KIAA0586: variants seen among roughly 807,000 people sequenced by gnomAD.
The protein encoded by KIAA0586 is KIAA0586, also known as protein TALPID3.
In KIAA0586, 144 loss-of-function variants were observed where a neutral mutation model predicts 169.8. That is an observed-to-expected ratio of 0.85 (90% CI 0.74 to 0.97). The LOEUF (loss-of-function observed/expected upper bound fraction) is 0.97, where lower values mean the gene tolerates loss of function less well. Ranked by LOEUF, KIAA0586 falls within the 50% of genes least tolerant of loss-of-function variation. The probability of loss-of-function intolerance (pLI) is 0.00; values close to 1 mark genes in which losing one functional copy is unlikely to be tolerated. For missense variants in KIAA0586, 1,854 were observed against 1,823.0 expected, an observed-to-expected ratio of 1.02 and a Z score of -0.31; for synonymous variants, 625 against 612.4, an observed-to-expected ratio of 1.02 and a Z score of -0.30.
In KIAA0586 at chr14:58,547,987, C is replaced by T. The variant is rs775239114; in HGVS notation, c.*55C>T. ...TGCCACTGGTTTTAAAGTCATTTTA[C>T]CTTGGCTTAAAACCCTCTCTCAGAC... On this transcript the variant is annotated 3_prime_UTR_variant, in exon 31 of 31. Coordinates refer to ENST00000652326, the MANE Select transcript of KIAA0586 (RefSeq NM_001329943.3). 5.7e-6 allele frequency: 9 copies of T among 1,592,902 alleles called. No individual in the cohort carries two copies. In the Admixed American group the frequency reaches 1.5e-4, roughly 27 times the overall value.
chr14:58,540,235 A>C (rs1214308190), intron 30 of KIAA0586, 99 bp downstream of exon 30: 2 of 650,422 alleles, frequency 3.1e-6, no homozygotes, highest in Non-Finnish European at 5.2e-6. Context: ...CAGTAGAAAT[A>C]CTAATAGCAA....
At chr14:58,437,154 T>C (rs375444735) in intron 4 of KIAA0586, among the ~76,000 whole-genome samples, 61 of 152,196 alleles carry the variant, frequency 4.0e-4, no homozygotes, top group African/African-American at 1.3e-3. Context: ...GGTATGGTAA[T>C]GGGAATCATG....
At chr14:58,445,528 G>A (rs1174482080) in intron 6 of KIAA0586, among the ~76,000 whole-genome samples, 2 of 150,940 alleles carry the variant, frequency 1.3e-5, no homozygotes, top group Non-Finnish European at 2.9e-5. Context: ...CCACCTCCCA[G>A]ATTCAAGTGA....
chr14:58,459,245 A>G (rs1392762194), intron 12 of KIAA0586, among the ~76,000 whole-genome samples: 7 of 152,090 alleles, frequency 4.6e-5, no homozygotes, highest in Non-Finnish European at 4.4e-5. Flanking sequence ...ATATTTTAAA[A>G]CTTTGTTGTT....
intron 29 of KIAA0586, among the ~76,000 whole-genome samples, chr14:58,537,637 A>G (rs2067317003): frequency 6.6e-6 from 1 of 152,066 alleles, no homozygotes; most frequent in Non-Finnish European, 1.5e-5. Context: ...AAACATTAAC[A>G]TCATAGTAAG....
intron 3 of KIAA0586, 37 bp downstream of exon 3, chr14:58,430,754 A>G: frequency 8.6e-7 from 1 of 1,163,204 alleles, no homozygotes; most frequent in East Asian, 2.4e-5. Context: ...AATTGTGACA[A>G]CATATACATA....
Position 58,494,640 on chromosome 14 carries a change from G to A in KIAA0586, c.3990+2365G>A, listed in dbSNP as rs367594688. On this transcript the variant is annotated intron_variant, in intron 26 of 30. Transcript: ENST00000652326. ...CCCTTGGTCACTGTCCCTGCTGTTT[G>A]CTGTTACTCCACTATATGGCTCTCC... Among the ~76,000 whole-genome samples the A allele has an allele frequency of 2.6e-5, 4 of 152,184 alleles. 1 individual carries two copies.
chr14:58,559,330 T>C, the KIAA0586 span, among the ~76,000 whole-genome samples: 1 of 152,202 alleles, frequency 6.6e-6, no homozygotes, highest in Non-Finnish European at 1.5e-5. Flanking sequence ...TGTTCTGACC[T>C]CCAAGCCCAG....
intron 21 of KIAA0586, among the ~76,000 whole-genome samples, chr14:58,484,910 A>ATATTTT (rs1555391531): frequency 4.0e-5 from 1 of 25,044 alleles, no homozygotes; most frequent in African/African-American, 1.4e-4. Context: ...ATATATATAT[A>ATATTTT]TATATATATA....
At chr14:58,461,502 A>T (rs1278257303) in intron 14 of KIAA0586, among the ~76,000 whole-genome samples, 1 of 151,866 alleles carries the variant, frequency 6.6e-6, no homozygotes, top group African/African-American at 2.4e-5. Context: ...TGGCACAATC[A>T]TGGTTCACTG....
chr14:58,527,359 A>G (rs987103894), intron 29 of KIAA0586, among the ~76,000 whole-genome samples: 2 of 152,214 alleles, frequency 1.3e-5, no homozygotes, highest in Admixed American at 1.3e-4. Flanking sequence ...AGAGCATACC[A>G]CAAAGATATT....
chr14:58,499,598 G>T (rs559639074), intron 27 of KIAA0586, among the ~76,000 whole-genome samples: 1 of 148,814 alleles, frequency 6.7e-6, no homozygotes, highest in Non-Finnish European at 1.5e-5. Flanking sequence ...TTGCTTTGTC[G>T]CCCAGGGTGG....
rs760087214 is a variant in KIAA0586 at position 58,474,665 on chromosome 14, G to A, written c.2693G>A (p.Ser898Asn). 5 of 1,611,118 alleles carry A rather than the reference G, an allele frequency of 3.1e-6. No homozygotes were observed. In the South Asian group the frequency reaches 4.4e-5, roughly 14 times the overall value. The change falls in exon 19 of 31, where the codon AGT (serine) becomes AAT (asparagine). Residue 898 changes from serine to asparagine, a missense_variant. Coordinates refer to ENST00000652326, the MANE Select transcript of KIAA0586 (RefSeq NM_001329943.3). ...DSEPILEFNR[S>N]VKADSTKYNG... ...GAACCAATTCTGGAGTTTAACAGAA[G>A]TGTTAAAGCTGATTCTACAAAATAT...
At chr14:58,554,311 G>A (rs1445119703), downstream of KIAA0586, among the ~76,000 whole-genome samples, 1 of 152,034 alleles carries the variant, frequency 6.6e-6, no homozygotes, top group East Asian at 1.9e-4. Context: ...ATATGGAATG[G>A]GAAGAATTTG....
At position 58,492,156 on chromosome 14, in the gene KIAA0586, C is replaced by T. The variant is rs1469360496; in HGVS notation, c.3871C>T (p.Pro1291Ser). 2 of 1,537,204 alleles carry T rather than the reference C, an allele frequency of 1.3e-6. No individual in the cohort carries two copies. Among genetic ancestry groups the T allele is most frequent in the Non-Finnish European group, 1.8e-6 (2 of 1,141,116 alleles). Residue 1291 changes from proline to serine, a missense_variant, in exon 26 of 31, where the codon CCT (proline) becomes TCT (serine). Transcript: ENST00000652326. Reference sequence around the variant, plus strand: ...ATGTTTCTTTTAGGAGGATGATCCTCCTAGTGAAGGGCAAGTGATTAGGAT... The same window carrying T: ...ATGTTTCTTTTAGGAGGATGATCCTTCTAGTGAAGGGCAAGTGATTAGGAT... ...HDAVEMEDDP[P>S]SEGQVIRMSH...
intron 27 of KIAA0586, among the ~76,000 whole-genome samples, chr14:58,501,746 G>T (rs1389367014): frequency 2.0e-5 from 3 of 152,136 alleles, no homozygotes; most frequent in African/African-American, 7.2e-5. Context: ...TGTATCTTTG[G>T]TCAAATAACT....
chr14:58,484,802 A>G (rs2042256601), intron 21 of KIAA0586, among the ~76,000 whole-genome samples: 1 of 144,032 alleles, frequency 6.9e-6, no homozygotes, highest in Non-Finnish European at 1.5e-5. Context: ...TTAATTTGCA[A>G]CCCATAATAC....
the KIAA0586 span, among the ~76,000 whole-genome samples, chr14:58,557,875 C>T: frequency 1.5e-5 from 2 of 130,512 alleles, no homozygotes; most frequent in African/African-American, 5.9e-5. Flanking sequence ...TCTTAGAAAG[C>T]TCTTGTAAGG....
At chr14:58,449,079 G>A (rs2039139473) in intron 7 of KIAA0586, among the ~76,000 whole-genome samples, 1 of 152,092 alleles carries the variant, frequency 6.6e-6, no homozygotes, top group South Asian at 2.1e-4. Flanking sequence ...GTTTTTCTAA[G>A]TTATTGATAT....
Sources: gnomAD v4.1 joint callset for allele counts (sites outside exome capture counted in the v4.1 genomes callset) on GRCh38, gnomAD v4.1.1 for gene constraint, MANE v1.5 for transcripts, NCBI Gene and HGNC (gene_info 2026-07-23, HGNC 2026-07-21) for gene names.